Variants in UHRF2 observed in about 807,000 individuals in gnomAD.
The protein encoded by UHRF2 is ubiquitin like with PHD and ring finger domains 2.
A neutral mutation model predicts 96.8 loss-of-function variants in UHRF2; 23 were observed. The observed-to-expected ratio is 0.24, with a 90% CI of 0.17 to 0.34. The LOEUF is 0.34. Ranked by LOEUF, UHRF2 falls within the 10% of genes least tolerant of loss-of-function variation. The pLI, the probability that UHRF2 is intolerant of heterozygous loss-of-function variation, is 1.00. For missense variants in UHRF2, 685 were observed against 981.5 expected, an observed-to-expected ratio of 0.70 and a Z score of 4.04; for synonymous variants, 385 against 332.6, an observed-to-expected ratio of 1.16 and a Z score of -1.72.
At position 6,434,183 on chromosome 9, in the gene UHRF2, C is replaced by T. The variant is rs776668882; in HGVS notation, c.644+10C>T. 15 of 1,605,488 alleles carry T rather than the reference C, an allele frequency of 9.3e-6. No individual in the cohort carries two copies. The Admixed American group carries it at 2.0e-4, about 22-fold the overall frequency. On this transcript the variant is annotated intron_variant, in intron 3 of 15. Coordinates refer to ENST00000276893, the MANE Select transcript of UHRF2 (RefSeq NM_152896.3). ...ATATCCAGTATGATGAGTAAGTGCT[C>T]AAGCTATTGAGGACTTTATTCATAT...
chr9:6,461,249 T>C (rs994454803), intron 4 of UHRF2, among the ~76,000 whole-genome samples: 1 of 152,098 alleles, frequency 6.6e-6, no homozygotes, highest in African/African-American at 2.4e-5. Flanking sequence ...ATGAAGAGAA[T>C]TCAGAATGCA....
intron 6 of UHRF2, among the ~76,000 whole-genome samples, chr9:6,480,660 G>A (rs1273438191): frequency 6.6e-6 from 1 of 152,114 alleles, no homozygotes; most frequent in Non-Finnish European, 1.5e-5. Flanking sequence ...CTTTAATACA[G>A]TTAGTTATAA....
intron 4 of UHRF2, among the ~76,000 whole-genome samples, chr9:6,467,991 T>C (rs574267585): frequency 5.3e-5 from 8 of 152,306 alleles, no homozygotes; most frequent in Non-Finnish European, 1.0e-4. Context: ...CATCACAGTC[T>C]TTTTTTCTTA....
chr9:6,471,232 A>G (rs181544069), intron 4 of UHRF2, among the ~76,000 whole-genome samples: 42 of 152,356 alleles, frequency 2.8e-4, no homozygotes, highest in Admixed American at 1.8e-3. Context: ...CTGGTGGGAT[A>G]AACAGTGGAA....
chr9:6,426,685 C>G (rs948096433), intron 2 of UHRF2, among the ~76,000 whole-genome samples: 2 of 152,110 alleles, frequency 1.3e-5, no homozygotes, highest in Non-Finnish European at 2.9e-5. Context: ...TTATCACATA[C>G]TGACTTGTTG....
intron 3 of UHRF2, among the ~76,000 whole-genome samples, chr9:6,440,609 C>G (rs780016202): frequency 9.2e-5 from 14 of 152,164 alleles, no homozygotes; most frequent in Non-Finnish European, 1.5e-4. Flanking sequence ...AAAGCACACA[C>G]GCAACTTCTA....
chr9:6,421,324 A>G (rs1819916849), intron 2 of UHRF2, among the ~76,000 whole-genome samples, 182 bp downstream of exon 2: 1 of 152,244 alleles, frequency 6.6e-6, no homozygotes. Context: ...AATGTACAAG[A>G]TGTATATGTA....
At chr9:6,436,138 A>G (rs7853059) in intron 3 of UHRF2, among the ~76,000 whole-genome samples, 37,346 of 152,144 alleles carry the variant, frequency 0.25, 6,627 homozygotes, top group African/African-American at 0.5. Flanking sequence ...AACAAGTACG[A>G]GTTAGAAATC....
chr9:6,489,700 T>G (rs1824537704), intron 9 of UHRF2, among the ~76,000 whole-genome samples: 1 of 151,668 alleles, frequency 6.6e-6, no homozygotes, highest in Non-Finnish European at 1.5e-5. Flanking sequence ...CACTTCAGGT[T>G]TTTTGGCCAT....
At chr9:6,487,168 TTTA>T (rs1824337408) in intron 9 of UHRF2, among the ~76,000 whole-genome samples, 1 of 149,564 alleles carries the variant, frequency 6.7e-6, no homozygotes, top group Non-Finnish European at 1.5e-5. Flanking sequence ...CTATAGAGCT[TTTA>T]TTTTTTTTTC....
At chr9:6,421,919 T>C (rs1474868445) in intron 2 of UHRF2, among the ~76,000 whole-genome samples, 1 of 152,260 alleles carries the variant, frequency 6.6e-6, no homozygotes, top group African/African-American at 2.4e-5. Context: ...TGAAAGATTC[T>C]CTGCATATAG....
chr9:6,458,772 G>A (rs1001439209), intron 3 of UHRF2, among the ~76,000 whole-genome samples: 2 of 152,180 alleles, frequency 1.3e-5, no homozygotes, highest in African/African-American at 4.8e-5. Flanking sequence ...GCACATGTAT[G>A]TTTATTGCAG....
intron 1 of UHRF2, chr9:6,415,536 T>G (rs1402024521): frequency 2.6e-5 from 4 of 152,196 alleles, no homozygotes; most frequent in African/African-American, 9.6e-5. Context: ...AGGTAACTAC[T>G]GGAATGGCAT....
chr9:6,499,898 C>G lies in UHRF2; in HGVS notation c.1972C>G (p.Pro658Ala), dbSNP rs1429605782. Residue 658 changes from proline (P) to alanine (A), a missense_variant, in exon 13 of 16, where the codon CCC becomes GCC. Around this residue, in one of 6 missense-constraint regions of UHRF2, gnomAD observed 99 missense variants for 73.5 expected, o/e 1.35. Transcript: ENST00000276893. ...KKPKGQSKKQ[P>A]SGTTKRPISD... ...GCCTAAAGGACAGTCAAAGAAGCAG[C>G]CCAGTGGAACCACAAAAAGGCCAAT... 3 of 1,612,252 alleles carry G rather than the reference C, an allele frequency of 1.9e-6. No homozygotes were observed. The highest frequency in any genetic ancestry group is 2.5e-6 in the Non-Finnish European group (3 of 1,179,084).
chr9:6,464,031 C>A (rs1822717084), intron 4 of UHRF2, among the ~76,000 whole-genome samples: 1 of 152,046 alleles, frequency 6.6e-6, no homozygotes. Flanking sequence ...TAGATAGAAC[C>A]AAGTGTCTGT....
intron 4 of UHRF2, among the ~76,000 whole-genome samples, chr9:6,472,120 G>A (rs1222320867): frequency 6.6e-6 from 1 of 152,002 alleles, no homozygotes; most frequent in East Asian, 1.9e-4. Flanking sequence ...AGTTCCCTTG[G>A]GTCCCATTAC....
chr9:6,423,532 A>G (rs1459220296), intron 2 of UHRF2, among the ~76,000 whole-genome samples: 1 of 152,196 alleles, frequency 6.6e-6, no homozygotes, highest in Non-Finnish European at 1.5e-5. Context: ...ACAGTTCATT[A>G]TTATAAAATG....
At chr9:6,460,463 T>G (rs1202315376) in intron 3 of UHRF2, 110 bp from the exon 4 acceptor site, 4 of 899,576 alleles carry the variant, frequency 4.4e-6, no homozygotes, top group Non-Finnish European at 6.6e-6. Context: ...TCAACCTATT[T>G]TACTCTTTCT....
intron 9 of UHRF2, among the ~76,000 whole-genome samples, chr9:6,488,540 C>CTTTTTTTTTTTTTTTTTTT (rs58280407): frequency 6.0e-5 from 5 of 83,820 alleles, no homozygotes; most frequent in African/African-American, 1.4e-4. Context: ...TTTTTCTTTT[C>CTTTTTTTTTTTTTTTTTTT]TTTTTTTTTT....
Sources: gnomAD v4.1 joint callset for allele counts (sites outside exome capture counted in the v4.1 genomes callset) on GRCh38, gnomAD v4.1.1 for gene constraint, gnomAD v4.1.1 regional missense constraint, MANE v1.5 for transcripts, NCBI Gene and HGNC (gene_info 2026-07-23, HGNC 2026-07-21) for gene names.